The following HRH4 variants were observed in gnomAD, a reference collection of about 807,000 sequenced individuals.
The protein encoded by HRH4 is histamine H4 receptor.
In HRH4, 12 loss-of-function variants were observed where a neutral mutation model predicts 10.4. The observed-to-expected ratio is 1.15, with a 90% CI of 0.74 to 1.87. The LOEUF (loss-of-function observed/expected upper bound fraction) is 1.87. HRH4 is among the 40% of genes most tolerant of loss of function. The probability of loss-of-function intolerance (pLI) is 0.00; values close to 1 mark genes in which losing one functional copy is unlikely to be tolerated. For missense variants in HRH4, 415 were observed against 453.3 expected (o/e 0.92, Z 0.77); for synonymous variants, 154 against 166.6 (o/e 0.92, Z 0.58).
intron 2 of HRH4, among the ~76,000 whole-genome samples, chr18:24,475,789 C>A (rs1910117822): frequency 6.6e-6 from 1 of 152,134 alleles, no homozygotes; most frequent in African/African-American, 2.4e-5. Flanking sequence ...GGGCAGATCA[C>A]CTGAGGTCAG....
rs143424941 is a variant in HRH4, at chr18:24,472,465, A to C, written c.357+3514A>C. Among the ~76,000 whole-genome samples the C allele has an allele frequency of 4.8e-3, 725 of 152,250 alleles. 2 individuals carry two copies. The highest frequency in any genetic ancestry group is 0.034 in the Middle Eastern group (10 of 294). On this transcript the variant is annotated intron_variant, in intron 2 of 2. Transcript: ENST00000256906. Reference sequence around the variant, plus strand: ...GTCCCCAGTGCACAGCACAGAGTAAAATATATAGGGTTCCACAAATGAATG... The same window carrying C: ...GTCCCCAGTGCACAGCACAGAGTAACATATATAGGGTTCCACAAATGAATG...
chr18:24,465,307 AAAAGG>A (rs1314804305), intron 1 of HRH4, among the ~76,000 whole-genome samples: 1 of 151,912 alleles, frequency 6.6e-6, no homozygotes, highest in Non-Finnish European at 1.5e-5. Context: ...AAACAAAACA[AAAAGG>A]AAAGACATTT....
intron 1 of HRH4, among the ~76,000 whole-genome samples, chr18:24,462,511 C>T (rs17187605): frequency 1.3e-5 from 2 of 152,124 alleles, no homozygotes; most frequent in East Asian, 3.9e-4. Context: ...GGAAGGCCAA[C>T]AGGCAGAGCA....
At chr18:24,463,827 C>T (rs1180758496) in intron 1 of HRH4, among the ~76,000 whole-genome samples, 5 of 152,156 alleles carry the variant, frequency 3.3e-5, no homozygotes, top group African/African-American at 1.2e-4. Context: ...CTATACCGGA[C>T]GTTATATAAA....
chr18:24,464,037 A>G (rs1308157093), intron 1 of HRH4, among the ~76,000 whole-genome samples: 1 of 152,174 alleles, frequency 6.6e-6, no homozygotes, highest in African/African-American at 2.4e-5. Flanking sequence ...GGTTGCTGCT[A>G]TCAGAGCCTG....
intron 1 of HRH4, among the ~76,000 whole-genome samples, chr18:24,468,344 T>G (rs1909834919): frequency 6.6e-6 from 1 of 152,174 alleles, no homozygotes; most frequent in Non-Finnish European, 1.5e-5. Flanking sequence ...GCCCGGCCCC[T>G]CCCGTATACT....
intron 2 of HRH4, among the ~76,000 whole-genome samples, chr18:24,472,646 A>G (rs564387249): frequency 1.3e-5 from 2 of 152,298 alleles, no homozygotes; most frequent in South Asian, 2.1e-4. Flanking sequence ...AGCTGAAAGT[A>G]CAGGAGACAG....
intron 1 of HRH4, among the ~76,000 whole-genome samples, chr18:24,466,584 G>A (rs1909783093): frequency 6.6e-6 from 1 of 152,162 alleles, no homozygotes; most frequent in Admixed American, 6.5e-5. Context: ...TCTCTGTGGT[G>A]TCTTGTACCT....
Position 24,476,898 on chromosome 18 carries a change from C to G in HRH4, c.509C>G (p.Ser170Trp). The change falls in exon 3 of 3, where the codon TCG (serine) becomes TGG (tryptophan). Residue 170 changes from serine (S) to tryptophan (W), a missense_variant. Coordinates refer to ENST00000256906, the MANE Select transcript of HRH4 (RefSeq NM_021624.4). ...AGTGAATGTGAACCTGGATTTTTTT[C>G]GGAATGGTACATCCTTGCCATCACA... ...EGSECEPGFF[S>W]EWYILAITSF... 1 of 1,614,032 alleles carries G rather than the reference C, an allele frequency of 6.2e-7. No homozygotes were observed. The highest frequency in any genetic ancestry group is 1.1e-5 in the South Asian group (1 of 91,074).
At chr18:24,471,431 C>G (rs893925074) in intron 2 of HRH4, among the ~76,000 whole-genome samples, 1 of 151,060 alleles carries the variant, frequency 6.6e-6, no homozygotes, top group African/African-American at 2.4e-5. Context: ...ATGGTGAAAC[C>G]CCGCCTCTAC....
Position 24,473,094 on chromosome 18 carries a change from GC to G in HRH4, c.358-3652del, listed in dbSNP as rs565840334. Among the ~76,000 whole-genome samples, 14 of 152,228 alleles carry G rather than the reference GC, an allele frequency of 9.2e-5. No homozygotes were observed. The East Asian group carries it at 9.7e-4, about 11-fold the overall frequency. On this transcript the variant is annotated intron_variant, in intron 2 of 2. Coordinates refer to ENST00000256906, the MANE Select transcript of HRH4 (RefSeq NM_021624.4). Reference sequence around the variant, plus strand: ...CACTTGAACCCAGGAGGCGGAGGCTGCAGTGAGCCAAGATCGCACCACTGCA... The same window carrying G: ...CACTTGAACCCAGGAGGCGGAGGCTGAGTGAGCCAAGATCGCACCACTGCA...
At chr18:24,475,772 C>A (rs937589042) in intron 2 of HRH4, among the ~76,000 whole-genome samples, 2 of 152,150 alleles carry the variant, frequency 1.3e-5, no homozygotes, top group African/African-American at 2.4e-5. Context: ...CTCTGGGAGG[C>A]TGAGGTGGGC....
chr18:24,462,634 C>T (rs543714654), intron 1 of HRH4, among the ~76,000 whole-genome samples: 2 of 152,252 alleles, frequency 1.3e-5, no homozygotes, highest in African/African-American at 2.4e-5. Context: ...GGCAGGACAG[C>T]TCTGGTTCTG....
intron 1 of HRH4, among the ~76,000 whole-genome samples, chr18:24,464,655 G>A (rs1366788626): frequency 2.0e-5 from 3 of 152,062 alleles, no homozygotes; most frequent in South Asian, 2.1e-4. Flanking sequence ...AAGAAGGGAC[G>A]ATGCCAGATG....
chr18:24,471,122 A>G (rs1419260807), intron 2 of HRH4, among the ~76,000 whole-genome samples: 1 of 151,904 alleles, frequency 6.6e-6, no homozygotes, highest in Non-Finnish European at 1.5e-5. Context: ...TTAACATCGC[A>G]TACTTCATTG....
intron 1 of HRH4, among the ~76,000 whole-genome samples, chr18:24,466,072 T>C (rs1909766798): frequency 6.6e-6 from 1 of 151,894 alleles, no homozygotes; most frequent in African/African-American, 2.4e-5. Context: ...ATACTTTGAT[T>C]TACCTCAAGT....
chr18:24,464,849 A>G (rs1233168402), intron 1 of HRH4, among the ~76,000 whole-genome samples: 1 of 152,210 alleles, frequency 6.6e-6, no homozygotes, highest in Non-Finnish European at 1.5e-5. Context: ...GACAGAAAAT[A>G]AACAAGAAAA....
At position 24,468,955 on chromosome 18, in the gene HRH4, A is replaced by G; in HGVS notation, c.357+4A>G. 1.3e-6 allele frequency: 2 copies of G among 1,589,912 alleles called. No homozygotes were observed. The highest frequency in any genetic ancestry group is 1.7e-6 in the Non-Finnish European group (2 of 1,168,200). On this transcript the variant is annotated splice_donor_region_variant and intron_variant, in intron 2 of 2. Coordinates refer to ENST00000256906, the MANE Select transcript of HRH4 (RefSeq NM_021624.4). ...ATACCTGTCAGTCTCAAATGCTGTAAGTCGAAACATTAATTTATCCCCCTT... is the reference window on the plus strand; with the variant it reads ...ATACCTGTCAGTCTCAAATGCTGTAGGTCGAAACATTAATTTATCCCCCTT...
rs200257355 is a variant in HRH4 at position 24,470,501 on chromosome 18, A to ATTTTTTTTTT, written c.357+1560_357+1569dup. 1.5e-3 allele frequency among the ~76,000 whole-genome samples: 196 copies of ATTTTTTTTTT among 129,856 alleles called. 7 individuals carry two copies. The highest frequency in any genetic ancestry group is 4.9e-3 in the East Asian group (18 of 3,688). 85.2% of individuals were successfully genotyped at this position (129,856 alleles called of 152,430 possible). A position where few individuals can be genotyped will look rare whatever the true frequency, so the allele number is the denominator to read the frequency against. On this transcript the variant is annotated intron_variant, in intron 2 of 2. Transcript: ENST00000256906. ...GGTGGTGGGCCACATTTGTTTCTCT[A>ATTTTTTTTTT]TTTTTTTTTTTTTTTTTTTGGAGAC...
Sources: allele counts gnomAD v4.1 joint callset (sites outside exome capture counted in the v4.1 genomes callset), GRCh38; gene constraint gnomAD v4.1.1; transcripts MANE v1.5; gene names NCBI Gene and HGNC (gene_info 2026-07-23, HGNC 2026-07-21).